TMEM144: variants seen among roughly 807,000 people sequenced by gnomAD.
TMEM144 encodes transmembrane protein 144.
Under a neutral mutation model 43.6 loss-of-function variants are expected in TMEM144, and 39 were observed. That is an observed-to-expected ratio of 0.90 (90% CI 0.69 to 1.17). TMEM144 has a LOEUF of 1.17. Ranked by LOEUF, TMEM144 falls within the 50% of genes most tolerant of loss-of-function variation. The pLI is 0.00. For missense variants in TMEM144, 417 were observed against 411.9 expected, an observed-to-expected ratio of 1.01 and a Z score of -0.11; for synonymous variants, 154 against 133.6, an observed-to-expected ratio of 1.15 and a Z score of -1.06.
chr4:158,225,671 G>A (rs936454891), intron 6 of TMEM144, among the ~76,000 whole-genome samples: 1 of 152,170 alleles, frequency 6.6e-6, no homozygotes, highest in East Asian at 1.9e-4. Context: ...CTAGTTATTC[G>A]GCAGAGTGCC....
intron 6 of TMEM144, among the ~76,000 whole-genome samples, chr4:158,232,259 T>C (rs1735119049): frequency 6.6e-6 from 1 of 152,244 alleles, no homozygotes; most frequent in African/African-American, 2.4e-5. Flanking sequence ...AAATGTATGT[T>C]TTTATCTCTT....
intron 3 of TMEM144, 69 bp from the exon 4 acceptor site, chr4:158,215,122 T>C: frequency 1.9e-6 from 3 of 1,596,438 alleles, no homozygotes; most frequent in South Asian, 1.1e-5. Context: ...TATCACCTCA[T>C]AGATATTCCT....
At position 158,241,615 on chromosome 4, in the gene TMEM144, C is replaced by T. The variant is rs555034750; in HGVS notation, c.900+9C>T. ...TTCCAATAATCACTGCTGTAAGTAG[C>T]TGAACTGGTTTTCCTAATTTTCATT... On this transcript the variant is annotated intron_variant, in intron 11 of 12. Transcript: ENST00000296529. 27 of 1,610,212 alleles carry T rather than the reference C, an allele frequency of 1.7e-5. 2 individuals carry two copies. In the South Asian group the frequency reaches 2.8e-4, roughly 16 times the overall value.
chr4:158,239,411 G>T (rs1197493408), intron 9 of TMEM144, among the ~76,000 whole-genome samples: 1 of 152,152 alleles, frequency 6.6e-6, no homozygotes, highest in Non-Finnish European at 1.5e-5. Context: ...GTGGAGTTGG[G>T]ATTTTTCCGA....
intron 5 of TMEM144, among the ~76,000 whole-genome samples, chr4:158,218,321 A>T (rs1337363079): frequency 6.6e-6 from 1 of 152,156 alleles, no homozygotes; most frequent in Non-Finnish European, 1.5e-5. Flanking sequence ...GTCAGCATTA[A>T]GATTAACATT....
At chr4:158,250,195 C>T (rs1466089863) in intron 12 of TMEM144, among the ~76,000 whole-genome samples, 4 of 135,532 alleles carry the variant, frequency 3.0e-5, no homozygotes, top group Admixed American at 7.4e-5. Context: ...TAATACATAA[C>T]ATATATATAT....
At chr4:158,220,468 T>C (rs1228843457) in intron 6 of TMEM144, among the ~76,000 whole-genome samples, 2 of 152,250 alleles carry the variant, frequency 1.3e-5, no homozygotes, top group Non-Finnish European at 2.9e-5. Flanking sequence ...TTTTCCTCCA[T>C]ATTTCTTCTT....
intron 12 of TMEM144, among the ~76,000 whole-genome samples, chr4:158,249,903 TG>T (rs1736104337): frequency 8.8e-6 from 1 of 113,610 alleles, no homozygotes; most frequent in Non-Finnish European, 1.9e-5. Context: ...TGTGTGTGTG[TG>T]TGTGTGTGTG....
At position 158,212,751 on chromosome 4, in the gene TMEM144, A is replaced by G; in HGVS notation, c.84A>G (p.Pro28=). 4 of 1,613,808 alleles carry G rather than the reference A, an allele frequency of 2.5e-6. No homozygotes were observed. Among genetic ancestry groups the G allele is most frequent in the Non-Finnish European group, 3.4e-6 (4 of 1,179,806 alleles). The change falls in exon 3 of 13, where the codon CCA becomes CCG. Residue 28 remains proline, a synonymous_variant. Transcript: ENST00000296529. ...TTTTGTTTGGCTCAAATTTTGTGCC[A>G]CTTAAAAAATTTGATACTGGTGATG... ...AILLFGSNFV[P]LKKFDTGDGM... is the part of the protein sequence containing the mutation.
intron 6 of TMEM144, among the ~76,000 whole-genome samples, chr4:158,232,614 A>G (rs1250526506): frequency 1.3e-5 from 2 of 152,226 alleles, no homozygotes; most frequent in African/African-American, 4.8e-5. Flanking sequence ...TGTAGTTTTC[A>G]TTTGTGTTTC....
chr4:158,248,123 T>TAA (rs753919532), intron 12 of TMEM144, among the ~76,000 whole-genome samples: 56 of 99,604 alleles, frequency 5.6e-4, no homozygotes, highest in African/African-American at 6.9e-4. Flanking sequence ...AGCAAAGAAT[T>TAA]AAAAAAAAAA....
At chr4:158,215,465 C>A in intron 4 of TMEM144, 152 bp downstream of exon 4, 3 of 970,556 alleles carry the variant, frequency 3.1e-6, no homozygotes, top group Non-Finnish European at 4.3e-6. Flanking sequence ...TTCACATGCT[C>A]AATGAATATT....
rs748745070 is a variant in TMEM144, at chr4:158,237,571, T to C, written c.610T>C (p.Phe204Leu). ...ATCTGGAGTACTCTATGGATCTACA[T>C]TTGTGCCAATCATCTACATCAAGGA... Reference protein sequence around the residue: ...VISGVLYGSTFVPIIYIKDHS... With the variant: ...VISGVLYGSTLVPIIYIKDHS... The change falls in exon 9 of 13, where the codon TTT (phenylalanine) becomes CTT (leucine). Residue 204 changes from phenylalanine to leucine, a missense_variant. Transcript: ENST00000296529. 1.9e-6 allele frequency: 3 copies of C among 1,614,036 alleles called. No homozygotes were observed. Among genetic ancestry groups the C allele is most frequent in the Non-Finnish European group, 2.5e-6 (3 of 1,179,936 alleles).
chr4:158,243,726 C>T (rs1008777525), intron 11 of TMEM144, among the ~76,000 whole-genome samples: 5 of 152,186 alleles, frequency 3.3e-5, no homozygotes, highest in African/African-American at 4.8e-5. Flanking sequence ...TTTCCTTACA[C>T]GTTTATTTTA....
chr4:158,222,736 G>A (rs1579111744), intron 6 of TMEM144, among the ~76,000 whole-genome samples: 1 of 152,284 alleles, frequency 6.6e-6, no homozygotes, highest in African/African-American at 2.4e-5. Context: ...TTGATGCTTA[G>A]TAAATGTTTG....
chr4:158,219,535 G>C, intron 6 of TMEM144, 145 bp downstream of exon 6: 1 of 857,554 alleles, frequency 1.2e-6, no homozygotes, highest in Non-Finnish European at 1.8e-6. Flanking sequence ...ACAATGACTG[G>C]TTTTAGAGGA....
chr4:158,218,244 C>T (rs1411968579), intron 5 of TMEM144, among the ~76,000 whole-genome samples: 1 of 152,148 alleles, frequency 6.6e-6, no homozygotes, highest in Non-Finnish European at 1.5e-5. Context: ...AGAGGCTACT[C>T]TTTTGTGCAG....
intron 10 of TMEM144, 122 bp downstream of exon 10, chr4:158,240,540 T>G (rs989896193): frequency 3.2e-5 from 32 of 986,122 alleles, no homozygotes; most frequent in African/African-American, 2.0e-4. Context: ...TGTGTGTGTG[T>G]TGTGTGTGTG....
chr4:158,224,390 C>G (rs1734649408), intron 6 of TMEM144, among the ~76,000 whole-genome samples: 1 of 152,140 alleles, frequency 6.6e-6, no homozygotes, highest in Admixed American at 6.6e-5. Flanking sequence ...GTTTCTTTTG[C>G]TGTGCAGAAG....
Sources: allele counts gnomAD v4.1 joint callset (sites outside exome capture counted in the v4.1 genomes callset), GRCh38; gene constraint gnomAD v4.1.1; transcripts MANE v1.5; gene names NCBI Gene and HGNC (gene_info 2026-07-23, HGNC 2026-07-21).